SLC6A19: variants seen among roughly 807,000 people sequenced by gnomAD.
SLC6A19 encodes sodium-dependent neutral amino acid transporter B(0)AT1.
Under a neutral mutation model 68.3 loss-of-function variants are expected in SLC6A19, and 67 were observed. The observed-to-expected ratio is 0.98, with a 90% CI of 0.81 to 1.20. The LOEUF is 1.20. Among genes scored for constraint, SLC6A19 ranks in the 50% most tolerant of loss-of-function variants. The pLI, the probability that SLC6A19 is intolerant of heterozygous loss-of-function variation, is 0.00. For synonymous variants in SLC6A19, 392 were observed against 374.9 expected, an observed-to-expected ratio of 1.05 and a Z score of -0.53; for missense variants, 813 against 851.6, an observed-to-expected ratio of 0.95 and a Z score of 0.56.
rs11133691 is a variant in SLC6A19 at position 1,223,657 on chromosome 5, T to C, written c.*1753T>C. ...ACGGACAGGTCACCTCCGCTTTGCA[T>C]GGAAGAATCTGGATGCTTACATTAA... is the stretch of plus-strand genomic sequence containing the variant. On this transcript the variant is annotated 3_prime_UTR_variant, in exon 12 of 12. Transcript: ENST00000304460. The C allele has an allele frequency of 0.025, 1,979 of 78,968 alleles. No homozygotes were observed. Among genetic ancestry groups the C allele is most frequent in the South Asian group, 0.047 (104 of 2,204 alleles). The allele number at this position is 78,968 out of a possible 1,614,324, so 4.9% of individuals were successfully genotyped here.
rs780562887 is a variant in SLC6A19 at position 1,219,084 on chromosome 5, A to C, written c.1355A>C (p.Lys452Thr). ...PLQDLRVIPP[K>T]WPKEVLTGLI... ...CAGGACCTCAGAGTCATCCCCCCGA[A>C]GTGGCCCAAGGAGGTGCTCACAGGT... The change falls in exon 9 of 12, where the codon AAG (lysine) becomes ACG (threonine). Residue 452 changes from lysine to threonine, a missense_variant. Coordinates refer to ENST00000304460, the MANE Select transcript of SLC6A19 (RefSeq NM_001003841.3). The C allele has an allele frequency of 1.9e-6, 3 of 1,613,652 alleles. No homozygotes were observed. The highest frequency in any genetic ancestry group is 2.5e-6 in the Non-Finnish European group (3 of 1,179,852).
At chr5:1,210,412 G>A (rs756357045) in intron 2 of SLC6A19, 32 bp from the exon 3 acceptor site, 9 of 1,610,784 alleles carry the variant, frequency 5.6e-6, no homozygotes, top group Admixed American at 1.7e-5. Flanking sequence ...GGTGTGCCTC[G>A]GCCCCAAGCC....
intron 2 of SLC6A19, among the ~76,000 whole-genome samples, chr5:1,210,095 G>C (rs1357823819): frequency 6.6e-6 from 1 of 152,264 alleles, no homozygotes; most frequent in African/African-American, 2.4e-5. Flanking sequence ...TACATCAAAA[G>C]TTCTCTGCGA....
chr5:1,204,586 T>C (rs1356873019), intron 1 of SLC6A19, among the ~76,000 whole-genome samples: 1 of 152,200 alleles, frequency 6.6e-6, no homozygotes, highest in East Asian at 1.9e-4. Context: ...TGCCCACCTG[T>C]GTCCGTCCAG....
chr5:1,208,609 C>T, intron 1 of SLC6A19, 137 bp from the exon 2 acceptor site: 2 of 1,171,770 alleles, frequency 1.7e-6, no homozygotes, highest in East Asian at 4.7e-5. Flanking sequence ...GGACTGGCTG[C>T]TCCATCTCAG....
rs569360274 is a variant in SLC6A19, at chr5:1,201,766, C to T, written c.116C>T (p.Ala39Val). Residue 39 changes from alanine (A) to valine (V), a missense_variant, in exon 1 of 12, where the codon GCG becomes GTG. Ala to Val is a moderately conservative substitution (Grantham distance 64). Transcript: ENST00000304460. ...ASSRPKWDNKAQYMLTCLGFC... is the reference protein window; with the variant it reads ...ASSRPKWDNKVQYMLTCLGFC... ...TCCCGGCCGAAGTGGGACAACAAGG[C>T]GCAGTACATGCTCACCTGCCTGGGC... The T allele has an allele frequency of 5.1e-5, 82 of 1,612,796 alleles. 3 individuals carry two copies. The highest frequency in any genetic ancestry group is 4.8e-4 in the South Asian group (44 of 91,080).
chr5:1,221,837 CA>C lies in SLC6A19; in HGVS notation c.1839del (p.Asp615ThrfsTer6). 2 of 1,614,228 alleles carry C rather than the reference CA, an allele frequency of 1.2e-6. No individual in the cohort carries two copies. Among genetic ancestry groups the C allele is most frequent in the Non-Finnish European group, 1.7e-6 (2 of 1,180,046 alleles). On this transcript the variant is annotated frameshift_variant, in exon 12 of 12. Coordinates refer to ENST00000304460, the MANE Select transcript of SLC6A19 (RefSeq NM_001003841.3). LOFTEE classifies it high-confidence loss of function. ...CTCATCAGGAACCACTGCCAGAAGC[CA>C]GGGGACCATCAGGGGCTGGTGAGCA... Reference protein sequence around the residue: ...YKLIRNHCQKPGDHQGLVSTL... With the variant: ...YKLIRNHCQKXGDHQGLVSTL...
Position 1,221,179 on chromosome 5 carries a change from G to A in SLC6A19, c.1567G>A (p.Gly523Ser), listed in dbSNP as rs1039888298. ...RFNKDIEFMIGHKPNIFWQVT... is the reference protein window; with the variant it reads ...RFNKDIEFMISHKPNIFWQVT... ...CAATAAGGACATCGAGTTCATGATC[G>A]GCCACAAGCCCAACATCTTCTGGCA... The change falls in exon 11 of 12, where the codon GGC becomes AGC. Residue 523 changes from glycine (G) to serine (S), a missense_variant. Gly to Ser is a moderately conservative substitution (Grantham distance 56). Coordinates refer to ENST00000304460, the MANE Select transcript of SLC6A19 (RefSeq NM_001003841.3). 9.9e-6 allele frequency: 16 copies of A among 1,613,854 alleles called. No homozygotes were observed. Among genetic ancestry groups the A allele is most frequent in the African/African-American group, 2.7e-5 (2 of 74,902 alleles).
chr5:1,209,545 C>G lies in SLC6A19; in HGVS notation c.343+659C>G, dbSNP rs1314283403. 6.6e-6 allele frequency among the ~76,000 whole-genome samples: 1 copy of G among 152,114 alleles called. No individual in the cohort carries two copies. The highest frequency in any genetic ancestry group is 1.9e-4 in the East Asian group (1 of 5,180). On this transcript the variant is annotated intron_variant, in intron 2 of 11. Transcript: ENST00000304460. The surrounding 1 kb of genome is among the most constrained non-coding windows in gnomAD (Gnocchi z 5.5). ...CTCCCTCCAGGCCCAGGGCAGAGCC[C>G]ACACCCTCTCGCTGAGTATCCAAGA...
At chr5:1,220,592 G>A (rs1036991412) in intron 10 of SLC6A19, among the ~76,000 whole-genome samples, 14 of 152,272 alleles carry the variant, frequency 9.2e-5, no homozygotes, top group South Asian at 2.1e-4. Context: ...TGTGGAGCAC[G>A]TGAGACCAGC....
chr5:1,209,800 C>G lies in SLC6A19; in HGVS notation c.344-644C>G, dbSNP rs1401347837. 2.0e-5 allele frequency among the ~76,000 whole-genome samples: 3 copies of G among 152,140 alleles called. No homozygotes were observed. Among genetic ancestry groups the G allele is most frequent in the Non-Finnish European group, 4.4e-5 (3 of 68,030 alleles). ...CCTATCTCCGTCTCTCCCCCTGTCT[C>G]TCTTCCCCATCTCACACTCACATAT... On this transcript the variant is annotated intron_variant, in intron 2 of 11. Transcript: ENST00000304460. The surrounding 1 kb of genome is among the most constrained non-coding windows in gnomAD (Gnocchi z 5.5).
chr5:1,208,606 C>A, intron 1 of SLC6A19, 140 bp from the exon 2 acceptor site: 1 of 1,130,850 alleles, frequency 8.8e-7, no homozygotes, highest in Non-Finnish European at 1.3e-6. Context: ...CATGGACTGG[C>A]TGCTCCATCT....
rs916466297 is a variant in SLC6A19 at position 1,222,322 on chromosome 5, A to G, written c.*418A>G. ...CATGCCTATGTTGTGTGTGGTGTGC[A>G]TATGTGTGAACACACACGTGTATAC... On this transcript the variant is annotated 3_prime_UTR_variant, in exon 12 of 12. Coordinates refer to ENST00000304460, the MANE Select transcript of SLC6A19 (RefSeq NM_001003841.3). The G allele has an allele frequency of 1.3e-5, 7 of 520,750 alleles. No individual in the cohort carries two copies. The highest frequency in any genetic ancestry group is 2.0e-5 in the Non-Finnish European group (6 of 297,780). The allele number at this position is 520,750 out of a possible 1,614,324, so 32.3% of individuals were successfully genotyped here.
At position 1,215,663 on chromosome 5, in the gene SLC6A19, C is replaced by T. The variant is rs538329032; in HGVS notation, c.888-895C>T. 2.1e-4 allele frequency among the ~76,000 whole-genome samples: 32 copies of T among 152,334 alleles called. No individual in the cohort carries two copies. The highest frequency in any genetic ancestry group is 2.4e-4 in the African/African-American group (10 of 41,566). ...CATATCCATCCATGGACATTTTCCACGTTTTGGCTGTCATGAGTCATGCTG... is the reference window on the plus strand; with the variant it reads ...CATATCCATCCATGGACATTTTCCATGTTTTGGCTGTCATGAGTCATGCTG... On this transcript the variant is annotated intron_variant, in intron 6 of 11. Transcript: ENST00000304460. The surrounding 1 kb of genome is among the most constrained non-coding windows in gnomAD (Gnocchi z 5.1).
rs1746054622 is a variant in SLC6A19, at chr5:1,212,091, G to A, written c.482-212G>A. On this transcript the variant is annotated intron_variant, in intron 3 of 11. Coordinates refer to ENST00000304460, the MANE Select transcript of SLC6A19 (RefSeq NM_001003841.3). The surrounding 1 kb of genome is among the most constrained non-coding windows in gnomAD (Gnocchi z 5.1). ...GTGTGCAGGTGCATGGACCAGATGTGCACACGAGGGTGTAGCTGTGCATGT... is the reference window on the plus strand; with the variant it reads ...GTGTGCAGGTGCATGGACCAGATGTACACACGAGGGTGTAGCTGTGCATGT... Among the ~76,000 whole-genome samples the A allele has an allele frequency of 6.6e-6, 1 of 151,202 alleles. No individual in the cohort carries two copies. Among genetic ancestry groups the A allele is most frequent in the Admixed American group, 6.6e-5 (1 of 15,188 alleles).
Position 1,221,899 on chromosome 5 carries a change from T to G in SLC6A19, c.1900T>G (p.Tyr634Asp). The G allele has an allele frequency of 6.2e-7, 1 of 1,613,786 alleles. No individual in the cohort carries two copies. Among genetic ancestry groups the G allele is most frequent in the Non-Finnish European group, 8.5e-7 (1 of 1,179,850 alleles). ...AGCCTCCATGAACGGGGACCTGAAG[T>G]ACTGAGAAGGCCCATCCCACGGCGT... The part of the protein sequence containing the change: ...STASMNGDLK[Y>D] Residue 634 changes from tyrosine to aspartate, a missense_variant, in exon 12 of 12, where the codon TAC (tyrosine) becomes GAC (aspartate). Coordinates refer to ENST00000304460, the MANE Select transcript of SLC6A19 (RefSeq NM_001003841.3).
rs1443614225 is a variant in SLC6A19, at chr5:1,208,861, C to T, written c.318C>T (p.Ser106=). 1.2e-6 allele frequency: 2 copies of T among 1,612,624 alleles called. No individual in the cohort carries two copies. The highest frequency in any genetic ancestry group is 3.3e-5 in the Admixed American group (2 of 60,006). ...GGGGCAGCCTGGGTGTGTGGAGCTC[C>T]ATCCACCCGGCCCTGAAGGGCCTAG... ...LRRGSLGVWS[S]IHPALKGLGL... is the part of the protein sequence containing the mutation. The change falls in exon 2 of 12, where the codon TCC becomes TCT. Residue 106 remains serine (S), a synonymous_variant. Coordinates refer to ENST00000304460, the MANE Select transcript of SLC6A19 (RefSeq NM_001003841.3).
At chr5:1,202,241 C>T (rs1485285753) in intron 1 of SLC6A19, among the ~76,000 whole-genome samples, 1 of 152,188 alleles carries the variant, frequency 6.6e-6, no homozygotes, top group Non-Finnish European at 1.5e-5. Context: ...GCCCCACAGG[C>T]GGACACCTGC....
intron 3 of SLC6A19, 72 bp downstream of exon 3, chr5:1,210,653 C>T (rs1397759577): frequency 6.3e-7 from 1 of 1,595,552 alleles, no homozygotes; most frequent in Non-Finnish European, 8.5e-7. Context: ...GGCACATGGC[C>T]TCAGGAAACT....
Sources: allele counts gnomAD v4.1 joint callset (sites outside exome capture counted in the v4.1 genomes callset), GRCh38; gene constraint gnomAD v4.1.1; non-coding constraint Gnocchi (gnomAD v3.1); transcripts MANE v1.5; gene names NCBI Gene and HGNC (gene_info 2026-07-23, HGNC 2026-07-21).